The following NEGR1 variants were observed in gnomAD, a reference collection of about 807,000 sequenced individuals.
The protein encoded by NEGR1 is neuronal growth regulator 1.
A neutral mutation model predicts 40.9 loss-of-function variants in NEGR1; 10 were observed. That is an observed-to-expected ratio of 0.24 (90% CI 0.15 to 0.42). The LOEUF is 0.42. NEGR1 is among the 10% of genes least tolerant of loss of function. The pLI is 1.00. For synonymous variants in NEGR1, 185 were observed against 166.8 expected (o/e 1.11, Z -0.84); for missense variants, 352 against 438.9 (o/e 0.80, Z 1.77).
Position 72,124,994 on chromosome 1 carries a change from A to C in NEGR1, c.176+157325T>G, listed in dbSNP as rs145570244. ...GATAAAAATTTTATGGCGTATATAAAAGTCAAAAGTTACTCTAACTTACTT... is the reference window on the plus strand; with the variant it reads ...GATAAAAATTTTATGGCGTATATAACAGTCAAAAGTTACTCTAACTTACTT... On this transcript the variant is annotated intron_variant, in intron 1 of 6. Transcript: ENST00000357731. Among the ~76,000 whole-genome samples the C allele has an allele frequency of 3.0e-4, 46 of 152,248 alleles. No individual in the cohort carries two copies. In the East Asian group the frequency reaches 8.9e-3, roughly 29 times the overall value.
At chr1:71,502,346 A>G (rs901975400) in intron 6 of NEGR1, among the ~76,000 whole-genome samples, 15 of 152,186 alleles carry the variant, frequency 9.9e-5, no homozygotes, top group South Asian at 4.1e-4. Flanking sequence ...TACTCGACCA[A>G]TGAGGAACTG....
intron 1 of NEGR1, among the ~76,000 whole-genome samples, chr1:72,176,659 G>A (rs974672486): frequency 2.0e-5 from 3 of 152,000 alleles, no homozygotes; most frequent in Admixed American, 1.3e-4. Context: ...GGAATTGTAT[G>A]AGGGGAAACA....
intron 1 of NEGR1, among the ~76,000 whole-genome samples, chr1:72,205,197 T>C (rs1653349287): frequency 6.6e-6 from 1 of 152,002 alleles, no homozygotes; most frequent in Non-Finnish European, 1.5e-5. Flanking sequence ...TTATCCAGGG[T>C]CAACTTGTAG....
chr1:71,580,495 C>T (rs1358194105), intron 6 of NEGR1, among the ~76,000 whole-genome samples: 3 of 151,800 alleles, frequency 2.0e-5, no homozygotes, highest in Non-Finnish European at 4.4e-5. Flanking sequence ...ATGTGGCATG[C>T]ATGTGACAAT....
intron 1 of NEGR1, among the ~76,000 whole-genome samples, chr1:72,102,089 T>A (rs953021155): frequency 2.0e-5 from 3 of 152,084 alleles, no homozygotes; most frequent in African/African-American, 7.2e-5. Flanking sequence ...AGAAGAGATG[T>A]CTTACTCTAA....
chr1:72,269,971 T>C (rs905420448), intron 1 of NEGR1, among the ~76,000 whole-genome samples: 2 of 151,812 alleles, frequency 1.3e-5, no homozygotes, highest in Non-Finnish European at 2.9e-5. Flanking sequence ...AAAAGGCAGT[T>C]GGTGCCGAGT....
At chr1:72,022,964 T>C (rs1646774260) in intron 1 of NEGR1, among the ~76,000 whole-genome samples, 1 of 152,180 alleles carries the variant, frequency 6.6e-6, no homozygotes, top group African/African-American at 2.4e-5. Flanking sequence ...AAATATCACA[T>C]GTCCTTCTCC....
chr1:71,609,515 A>AAC (rs1650180136), intron 5 of NEGR1, among the ~76,000 whole-genome samples: 1 of 56,762 alleles, frequency 1.8e-5, no homozygotes, highest in African/African-American at 9.8e-5. Context: ...ACTCCGTCTC[A>AAC]AAAAAAAAAA....
At chr1:71,791,747 T>C (rs1183920728) in intron 2 of NEGR1, among the ~76,000 whole-genome samples, 1 of 151,906 alleles carries the variant, frequency 6.6e-6, no homozygotes, top group Non-Finnish European at 1.5e-5. Flanking sequence ...ATAAGAAAGA[T>C]TCAGAGAAAA....
intron 6 of NEGR1, among the ~76,000 whole-genome samples, chr1:71,427,775 T>C (rs1272762579): frequency 5.9e-5 from 9 of 152,110 alleles, no homozygotes; most frequent in Admixed American, 2.0e-4. Context: ...AACTGTAAAA[T>C]AACACAATAT....
At chr1:71,877,376 A>G (rs1660461921) in intron 2 of NEGR1, among the ~76,000 whole-genome samples, 1 of 152,082 alleles carries the variant, frequency 6.6e-6, no homozygotes, top group African/African-American at 2.4e-5. Flanking sequence ...TGAAGGGTGG[A>G]AGTCTGAGAT....
intron 4 of NEGR1, among the ~76,000 whole-genome samples, chr1:71,643,672 G>C (rs1464212976): frequency 1.3e-5 from 2 of 151,908 alleles, no homozygotes; most frequent in East Asian, 3.9e-4. Flanking sequence ...CATGTAGGTG[G>C]TTTCTACAAC....
chr1:71,677,219 C>T (rs114757446), intron 4 of NEGR1, among the ~76,000 whole-genome samples: 3 of 152,196 alleles, frequency 2.0e-5, no homozygotes, highest in Non-Finnish European at 4.4e-5. Context: ...TTTCCATCCT[C>T]CATGATTCAT....
chr1:71,933,199 CA>C (rs1338174112), intron 2 of NEGR1, among the ~76,000 whole-genome samples: 1 of 151,914 alleles, frequency 6.6e-6, no homozygotes, highest in Non-Finnish European at 1.5e-5. Flanking sequence ...TATAGTAAGA[CA>C]TGTAGCAGTT....
chr1:71,520,020 AT>A (rs1489974357), intron 6 of NEGR1, among the ~76,000 whole-genome samples: 5 of 152,104 alleles, frequency 3.3e-5, no homozygotes, highest in African/African-American at 1.2e-4. Flanking sequence ...AAAAGACAAA[AT>A]TTCAACTTTT....
chr1:71,607,755 G>A, intron 5 of NEGR1, among the ~76,000 whole-genome samples: 1 of 152,112 alleles, frequency 6.6e-6, no homozygotes, highest in Non-Finnish European at 1.5e-5. Flanking sequence ...GTGCAGTGGA[G>A]CAATCTCGGC....
At chr1:72,123,378 G>A (rs1649878901) in intron 1 of NEGR1, among the ~76,000 whole-genome samples, 1 of 151,666 alleles carries the variant, frequency 6.6e-6, no homozygotes, top group Non-Finnish European at 1.5e-5. Context: ...GAGCACATGA[G>A]CATGCTGAGA....
intron 6 of NEGR1, among the ~76,000 whole-genome samples, chr1:71,460,605 T>G (rs896101517): frequency 9.9e-5 from 15 of 152,200 alleles, no homozygotes; most frequent in African/African-American, 3.4e-4. Context: ...GTGTATCTTG[T>G]GTAAAGGGCT....
chr1:71,732,419 C>T (rs1021404978), intron 3 of NEGR1, among the ~76,000 whole-genome samples: 3 of 151,874 alleles, frequency 2.0e-5, no homozygotes, highest in Non-Finnish European at 4.4e-5. Context: ...CCAGTCTCAG[C>T]CAATGTGTTC....
Sources: allele counts gnomAD v4.1 joint callset (sites outside exome capture counted in the v4.1 genomes callset), GRCh38; gene constraint gnomAD v4.1.1; transcripts MANE v1.5; gene names NCBI Gene and HGNC (gene_info 2026-07-23, HGNC 2026-07-21).